The following AKAP13 variants were observed in gnomAD, a reference collection of about 807,000 sequenced individuals.
AKAP13 encodes the protein A-kinase anchor protein 13.
Under a neutral mutation model 264.5 loss-of-function variants are expected in AKAP13, and 80 were observed. The observed-to-expected ratio is 0.30, with a 90% confidence interval of 0.25 to 0.36. The LOEUF (loss-of-function observed/expected upper bound fraction) is 0.36, where lower values mean the gene tolerates loss of function less well. Ranked by LOEUF, AKAP13 falls within the 10% of genes least tolerant of loss-of-function variation. The pLI is 1.00. For synonymous variants in AKAP13, 1,380 were observed against 1,250.2 expected (o/e 1.10, Z -2.19); for missense variants, 3,712 against 3,435.2 (o/e 1.08, Z -2.01).
chr15:85,680,838 G>A (rs1424398673), intron 14 of AKAP13, among the ~76,000 whole-genome samples: 5 of 152,254 alleles, frequency 3.3e-5, no homozygotes. Context: ...TTGTTTTTGA[G>A]ATGGAATCTC....
chr15:85,722,406 T>C, intron 25 of AKAP13, 59 bp downstream of exon 25: 1 of 1,382,878 alleles, frequency 7.2e-7, no homozygotes, highest in Non-Finnish European at 9.9e-7. Context: ...CTGTGGCCAG[T>C]AGTACTGGAA....
intron 1 of AKAP13, among the ~76,000 whole-genome samples, chr15:85,443,680 C>T (rs1481561755): frequency 4.6e-5 from 7 of 151,334 alleles, no homozygotes; most frequent in East Asian, 1.9e-4. Context: ...ATATGCGGTT[C>T]GTGGTTGACT....
rs924687655 is a variant in AKAP13 at position 85,747,477 on chromosome 15, C to T, written c.*2800C>T. The T allele has an allele frequency of 6.6e-6, 1 of 152,596 alleles. No individual in the cohort carries two copies. Among genetic ancestry groups the T allele is most frequent in the Non-Finnish European group, 1.5e-5 (1 of 68,038 alleles). The allele number at this position is 152,596 out of a possible 1,614,324, so 9.5% of individuals were successfully genotyped here. A position where few individuals can be genotyped will look rare whatever the true frequency, so the allele number is the denominator to read the frequency against. ...TCCATCAAGCTAAAGAAATCACGTG[C>T]CTGAAACTGTGCTTAAGTTTTGGGG... On this transcript the variant is annotated 3_prime_UTR_variant, in exon 37 of 37. Coordinates refer to ENST00000394518, the MANE Select transcript of AKAP13 (RefSeq NM_007200.5).
At chr15:85,393,045 T>G (rs1247679347) in intron 1 of AKAP13, among the ~76,000 whole-genome samples, 2 of 152,242 alleles carry the variant, frequency 1.3e-5, no homozygotes, top group Non-Finnish European at 2.9e-5. Flanking sequence ...GGGTGGTATC[T>G]GTAAATTAAT....
At chr15:85,402,678 G>C (rs1416860799) in intron 1 of AKAP13, among the ~76,000 whole-genome samples, 2 of 150,330 alleles carry the variant, frequency 1.3e-5, no homozygotes, top group African/African-American at 2.4e-5. Flanking sequence ...TTTTTTTTTC[G>C]AGCACTTACT....
intron 9 of AKAP13, among the ~76,000 whole-genome samples, 179 bp downstream of exon 9, chr15:85,639,628 A>G (rs2082213501): frequency 6.6e-6 from 1 of 152,124 alleles, no homozygotes; most frequent in African/African-American, 2.4e-5. Context: ...TAATTACCGA[A>G]TTTTGTTTTG....
rs1240510377 is a variant in AKAP13, at chr15:85,708,393, G to A, written c.5532+307G>A. On this transcript the variant is annotated intron_variant, in intron 18 of 36. Coordinates refer to ENST00000394518, the MANE Select transcript of AKAP13 (RefSeq NM_007200.5). This position sits in a 1 kb window ranked among gnomAD's most constrained non-coding sequence, Gnocchi z 4.3. Reference sequence around the variant, plus strand: ...TTAAAGTGGTTTTCTTCTTAACTACGTCTGCAGGCCTACCCTGCTGTTCAT... The same window carrying A: ...TTAAAGTGGTTTTCTTCTTAACTACATCTGCAGGCCTACCCTGCTGTTCAT... Among the ~76,000 whole-genome samples the A allele has an allele frequency of 6.6e-6, 1 of 151,914 alleles. No individual in the cohort carries two copies. The highest frequency in any genetic ancestry group is 1.5e-5 in the Non-Finnish European group (1 of 67,996).
chr15:85,388,044 T>G (rs1007000118), intron 1 of AKAP13, among the ~76,000 whole-genome samples: 13 of 151,656 alleles, frequency 8.6e-5, no homozygotes, highest in African/African-American at 3.1e-4. Flanking sequence ...ATTTCCTTTT[T>G]TTTTTTTTGA....
intron 8 of AKAP13, among the ~76,000 whole-genome samples, chr15:85,631,936 T>G (rs1177444734): frequency 6.6e-6 from 1 of 152,202 alleles, no homozygotes; most frequent in African/African-American, 2.4e-5. Flanking sequence ...GGAATATAAG[T>G]TGTCTCTTTG....
intron 3 of AKAP13, among the ~76,000 whole-genome samples, chr15:85,523,305 A>G (rs967881091): frequency 9.9e-5 from 15 of 152,058 alleles, no homozygotes; most frequent in African/African-American, 3.1e-4. Context: ...AGGGGTAGAG[A>G]TAGAGGCATT....
chr15:85,498,836 C>A lies in AKAP13; in HGVS notation c.33+13083C>A, dbSNP rs186620801. On this transcript the variant is annotated intron_variant, in intron 2 of 36. Coordinates refer to ENST00000394518, the MANE Select transcript of AKAP13 (RefSeq NM_007200.5). ...CACCACTAGGAACTTGGTAGAAATG[C>A]AGGTGTTTACGCCCCATCTCAGACC... Among the ~76,000 whole-genome samples the A allele has an allele frequency of 2.1e-3, 327 of 152,282 alleles. 2 individuals carry two copies. The highest frequency in any genetic ancestry group is 2.8e-3 in the Non-Finnish European group (189 of 68,010).
chr15:85,589,510 C>G (rs996374731), intron 8 of AKAP13, among the ~76,000 whole-genome samples: 40 of 151,438 alleles, frequency 2.6e-4, no homozygotes, highest in African/African-American at 9.7e-4. Context: ...AATTCTGCCA[C>G]TTTGGGAGGC....
chr15:85,650,315 C>T (rs1247069384), intron 10 of AKAP13, among the ~76,000 whole-genome samples: 1 of 151,696 alleles, frequency 6.6e-6, no homozygotes. Context: ...TCTGTAGTCC[C>T]AGCTACTTGG....
intron 1 of AKAP13, among the ~76,000 whole-genome samples, chr15:85,383,439 T>C (rs994772756): frequency 2.0e-5 from 3 of 152,170 alleles, no homozygotes; most frequent in African/African-American, 7.2e-5. Context: ...GTATCTAACA[T>C]GGAGTAGGCA....
chr15:85,396,748 C>T (rs1236609864), intron 1 of AKAP13, among the ~76,000 whole-genome samples: 2 of 152,090 alleles, frequency 1.3e-5, no homozygotes, highest in Non-Finnish European at 2.9e-5. Flanking sequence ...GCCTGTTTTC[C>T]TTTCAGCAGA....
At chr15:85,510,976 G>C (rs1372219645) in intron 2 of AKAP13, among the ~76,000 whole-genome samples, 1 of 152,082 alleles carries the variant, frequency 6.6e-6, no homozygotes, top group Admixed American at 6.5e-5. Flanking sequence ...TGGGTCCATA[G>C]GGCCATTTCT....
intron 5 of AKAP13, among the ~76,000 whole-genome samples, chr15:85,545,287 T>C (rs1197445155): frequency 6.6e-6 from 1 of 152,228 alleles, no homozygotes; most frequent in Non-Finnish European, 1.5e-5. Context: ...TGCATAACTA[T>C]TGTGAAGTTC....
At chr15:85,499,032 G>A (rs976298145) in intron 2 of AKAP13, among the ~76,000 whole-genome samples, 5 of 152,102 alleles carry the variant, frequency 3.3e-5, no homozygotes, top group African/African-American at 7.2e-5. Context: ...TTTTCAACAC[G>A]GCTGACTGTG....
intron 1 of AKAP13, among the ~76,000 whole-genome samples, chr15:85,409,752 TC>T (rs774108798): frequency 4.7e-5 from 7 of 149,994 alleles, no homozygotes; most frequent in African/African-American, 1.7e-4. Context: ...TGCGTCAGCC[TC>T]CCGAGTAGCT....
Sources: allele counts gnomAD v4.1 joint callset (sites outside exome capture counted in the v4.1 genomes callset), GRCh38; gene constraint gnomAD v4.1.1; non-coding constraint Gnocchi (gnomAD v3.1); transcripts MANE v1.5; gene names NCBI Gene and HGNC (gene_info 2026-07-23, HGNC 2026-07-21).